Variants in ARAP2 observed in about 807,000 individuals in gnomAD.
ARAP2 encodes the protein ArfGAP with RhoGAP domain, ankyrin repeat and PH domain 2, also known as arf-GAP with Rho-GAP domain, ANK repeat and PH domain-containing protein 2.
In ARAP2, 148 loss-of-function variants were observed where a neutral mutation model predicts 194.5. The observed-to-expected ratio is 0.76, with a 90% CI of 0.67 to 0.87. ARAP2 has a LOEUF of 0.87. ARAP2 is among the 40% of genes least tolerant of loss of function. The pLI, the probability that ARAP2 is intolerant of heterozygous loss-of-function variation, is 0.00. For synonymous variants in ARAP2, 695 were observed against 683.5 expected, an observed-to-expected ratio of 1.02 and a Z score of -0.26; for missense variants, 2,128 against 1,989.7, an observed-to-expected ratio of 1.07 and a Z score of -1.32.
At position 36,160,432 on chromosome 4, in the gene ARAP2, C is replaced by T. The variant is rs199865160; in HGVS notation, c.2442+27G>A. 1.7e-4 allele frequency: 248 copies of T among 1,485,218 alleles called. 1 individual carries two copies. Among genetic ancestry groups the T allele is most frequent in the East Asian group, 4.9e-4 (19 of 38,556 alleles). 92.0% of individuals were successfully genotyped at this position (1,485,218 alleles called of 1,614,324 possible). The stretch of plus-strand genomic sequence containing the variant: ...ATCATTAAAAAGACATTAAAATCCA[C>T]GTCTGCTGTTATGTTTAATTGAATA... On this transcript the variant is annotated intron_variant, in intron 13 of 32. Coordinates refer to ENST00000303965, the MANE Select transcript of ARAP2 (RefSeq NM_015230.4).
Position 36,234,941 on chromosome 4 carries a change from G to C in ARAP2, c.-159-5296C>G, listed in dbSNP as rs185530541. ...TAGTTGGCATTACAGACATGGCTGT[G>C]CATTTGCCCATGCTATCCTGACCCA... On this transcript the variant is annotated intron_variant, in intron 1 of 32. Transcript: ENST00000303965. Among the ~76,000 whole-genome samples, 21 of 152,256 alleles carry C rather than the reference G, an allele frequency of 1.4e-4. No homozygotes were observed. The South Asian group carries it at 1.7e-3, about 12-fold the overall frequency.
At chr4:36,113,439 C>T (rs182654570) in intron 26 of ARAP2, among the ~76,000 whole-genome samples, 51 of 152,084 alleles carry the variant, frequency 3.4e-4, no homozygotes, top group African/African-American at 1.1e-3. Context: ...TAATAACACA[C>T]TATGGGGTAT....
Position 36,167,681 on chromosome 4 carries a change from C to A in ARAP2, c.1858-634G>T, listed in dbSNP as rs143652484. 3.6e-4 allele frequency among the ~76,000 whole-genome samples: 55 copies of A among 152,244 alleles called. 1 individual carries two copies. Among genetic ancestry groups the A allele is most frequent in the Admixed American group, 9.8e-4 (15 of 15,292 alleles). Reference sequence around the variant, plus strand: ...ATATTTTATTGCTTTCATCTCCCTTCAATCAGATTCCTAAAAGCTCCTCTA... The same window carrying A: ...ATATTTTATTGCTTTCATCTCCCTTAAATCAGATTCCTAAAAGCTCCTCTA... On this transcript the variant is annotated intron_variant, in intron 9 of 32. Transcript: ENST00000303965.
intron 27 of ARAP2, among the ~76,000 whole-genome samples, chr4:36,096,375 A>AG (rs1288862220): frequency 1.4e-4 from 17 of 121,928 alleles, no homozygotes; most frequent in Non-Finnish European, 2.3e-4. Context: ...AAAAAAAAAA[A>AG]AAAAAGAAAA....
intron 2 of ARAP2, among the ~76,000 whole-genome samples, chr4:36,228,358 G>A (rs1022153700): frequency 2.0e-5 from 3 of 152,096 alleles, no homozygotes; most frequent in East Asian, 1.9e-4. Context: ...ATGTCCCCCC[G>A]CTTAAATAGG....
chr4:36,106,335 C>T (rs762576422), intron 27 of ARAP2, among the ~76,000 whole-genome samples: 11 of 151,808 alleles, frequency 7.2e-5, no homozygotes, highest in Non-Finnish European at 1.5e-4. Context: ...ATAAAGGTCT[C>T]GGAAAGGCTA....
chr4:36,024,512 G>A (rs1043554750), intron 5 of ARAP2, among the ~76,000 whole-genome samples: 6 of 152,000 alleles, frequency 3.9e-5, no homozygotes, highest in Admixed American at 6.6e-5. Context: ...TATTGTAGAA[G>A]GAATAATACA....
At chr4:36,219,463 C>G (rs1285464706) in intron 2 of ARAP2, among the ~76,000 whole-genome samples, 2 of 152,118 alleles carry the variant, frequency 1.3e-5, no homozygotes, top group Non-Finnish European at 2.9e-5. Flanking sequence ...ATAGGCAAAA[C>G]TAACTAATAG....
At chr4:36,103,855 A>G (rs1310550551) in intron 27 of ARAP2, among the ~76,000 whole-genome samples, 2 of 151,952 alleles carry the variant, frequency 1.3e-5, no homozygotes, top group South Asian at 4.1e-4. Context: ...TCAGATAAAG[A>G]AAGAAAATTG....
chr4:36,141,129 C>G (rs1468121860), intron 19 of ARAP2, among the ~76,000 whole-genome samples: 2 of 151,654 alleles, frequency 1.3e-5, no homozygotes, highest in African/African-American at 2.4e-5. Flanking sequence ...GATGTAATTT[C>G]TTGAACATTT....
chr4:36,153,885 C>A (rs1409434367), intron 15 of ARAP2, among the ~76,000 whole-genome samples: 1 of 152,130 alleles, frequency 6.6e-6, no homozygotes, highest in Admixed American at 6.6e-5. Context: ...TCAGACCAAC[C>A]CAATTATGTC....
At chr4:36,195,745 C>T (rs1376096073) in intron 6 of ARAP2, among the ~76,000 whole-genome samples, 1 of 152,206 alleles carries the variant, frequency 6.6e-6, no homozygotes, top group Non-Finnish European at 1.5e-5. Flanking sequence ...ATGACCCGAT[C>T]CAAAGTGGAT....
chr4:36,201,869 G>C (rs1459378430), intron 6 of ARAP2, among the ~76,000 whole-genome samples: 2 of 151,570 alleles, frequency 1.3e-5, no homozygotes, highest in African/African-American at 4.8e-5. Flanking sequence ...ACTAACCAAT[G>C]ATACCAATCT....
In ARAP2 at chr4:36,156,429, A is replaced by G. The variant is rs1171197639; in HGVS notation, c.2752+2301T>C. 6.9e-3 allele frequency among the ~76,000 whole-genome samples: 127 copies of G among 18,306 alleles called. 11 individuals carry two copies. The highest frequency in any genetic ancestry group is 0.039 in the African/African-American group (108 of 2,744). 12.0% of individuals were successfully genotyped at this position (18,306 alleles called of 152,430 possible). On this transcript the variant is annotated intron_variant, in intron 15 of 32. Transcript: ENST00000303965. ...AAAGAAAGAAAGAAAGAAAGAAAGA[A>G]AGAAAGAAAGAAAGAGAAAGAAAGA...
intron 15 of ARAP2, among the ~76,000 whole-genome samples, chr4:36,156,659 T>C (rs1264967722): frequency 6.6e-6 from 1 of 152,038 alleles, no homozygotes; most frequent in Non-Finnish European, 1.5e-5. Flanking sequence ...AGGACTTCAG[T>C]GGAAATGAAG....
At chr4:36,115,807 T>G (rs73806464) in intron 25 of ARAP2, among the ~76,000 whole-genome samples, 9,481 of 152,042 alleles carry the variant, frequency 0.062, 312 homozygotes, top group East Asian at 0.13. Flanking sequence ...CCTAAGTAAT[T>G]GGTTTTAAAT....
intron 5 of ARAP2, among the ~76,000 whole-genome samples, chr4:36,033,053 T>G (rs1474545682): frequency 6.6e-6 from 1 of 152,216 alleles, no homozygotes; most frequent in African/African-American, 2.4e-5. Flanking sequence ...ATGCACCACA[T>G]TTCCTTTATC....
At chr4:36,115,886 C>T (rs1184731199) in intron 25 of ARAP2, among the ~76,000 whole-genome samples, 6 of 151,950 alleles carry the variant, frequency 3.9e-5, no homozygotes, top group African/African-American at 7.2e-5. Context: ...TTTATCTAAA[C>T]ACACCGGATA....
intron 8 of ARAP2, among the ~76,000 whole-genome samples, chr4:36,013,459 A>C (rs1319259509): frequency 6.6e-6 from 1 of 152,216 alleles, no homozygotes; most frequent in East Asian, 1.9e-4. Flanking sequence ...ATGACACTTG[A>C]AATAACAGAG....
Sources: allele counts gnomAD v4.1 joint callset (sites outside exome capture counted in the v4.1 genomes callset), GRCh38; gene constraint gnomAD v4.1.1; transcripts MANE v1.5; gene names NCBI Gene and HGNC (gene_info 2026-07-23, HGNC 2026-07-21).